DDAH1: variants seen among roughly 807,000 people sequenced by gnomAD.
DDAH1 encodes the protein dimethylarginine dimethylaminohydrolase 1, also known as N(G),N(G)-dimethylarginine dimethylaminohydrolase 1.
DDAH1 carries 19 observed loss-of-function variants against 28.8 expected under a neutral mutation model. That is an observed-to-expected ratio of 0.66 (90% CI 0.46 to 0.97). The LOEUF (loss-of-function observed/expected upper bound fraction) is 0.97. Among genes scored for constraint, DDAH1 ranks in the 50% least tolerant of loss-of-function variants. The probability of loss-of-function intolerance (pLI) is 0.00; values close to 1 mark genes in which losing one functional copy is unlikely to be tolerated. For missense variants in DDAH1, 326 were observed against 375.9 expected, an observed-to-expected ratio of 0.87 and a Z score of 1.10; for synonymous variants, 153 against 154.4, an observed-to-expected ratio of 0.99 and a Z score of 0.07.
At chr1:85,493,713 G>A (rs974216896) in intron 2 of DDAH1, 2 of 152,162 alleles carry the variant, frequency 1.3e-5, no homozygotes, top group African/African-American at 2.4e-5. Flanking sequence ...TTAAGCATGT[G>A]CCTGGAACGC....
intron 1 of DDAH1, among the ~76,000 whole-genome samples, chr1:85,576,161 A>T (rs1021863851): frequency 2.0e-5 from 3 of 152,186 alleles, no homozygotes; most frequent in Non-Finnish European, 4.4e-5. Context: ...TAAACAAATC[A>T]ATATATAGAA....
At chr1:85,377,047 A>G (rs1253755815) in intron 1 of DDAH1, among the ~76,000 whole-genome samples, 1 of 152,182 alleles carries the variant, frequency 6.6e-6, no homozygotes, top group East Asian at 1.9e-4. Context: ...AAATGAAAAG[A>G]AACTAGCACA....
intron 1 of DDAH1, among the ~76,000 whole-genome samples, chr1:85,367,920 CA>C (rs1176935851): frequency 6.6e-6 from 1 of 152,100 alleles, no homozygotes; most frequent in African/African-American, 2.4e-5. Context: ...TTTTATTAAC[CA>C]ATTTGAGTTT....
At chr1:85,332,652 G>A (rs1647846534) in intron 4 of DDAH1, among the ~76,000 whole-genome samples, 1 of 152,108 alleles carries the variant, frequency 6.6e-6, no homozygotes, top group South Asian at 2.1e-4. Flanking sequence ...GGGGCCTAGG[G>A]ATTGCCCCTC....
intron 1 of DDAH1, among the ~76,000 whole-genome samples, chr1:85,430,603 G>T (rs1653632914): frequency 6.6e-6 from 1 of 152,160 alleles, no homozygotes; most frequent in African/African-American, 2.4e-5. Flanking sequence ...TCTCCTTGAA[G>T]AGGTTCGTCA....
At chr1:85,451,369 G>A (rs781117086) in intron 1 of DDAH1, among the ~76,000 whole-genome samples, 6 of 152,110 alleles carry the variant, frequency 3.9e-5, no homozygotes, top group Non-Finnish European at 8.8e-5. Context: ...AAGAGGGACT[G>A]ATCACTGATG....
intron 1 of DDAH1, among the ~76,000 whole-genome samples, chr1:85,553,879 T>A (rs1658878306): frequency 6.6e-6 from 1 of 152,188 alleles, no homozygotes; most frequent in Non-Finnish European, 1.5e-5. Context: ...GAGTTGGAGC[T>A]AGTCTGCCAG....
chr1:85,515,938 G>A (rs1418381), intron 1 of DDAH1, among the ~76,000 whole-genome samples: 3 of 152,170 alleles, frequency 2.0e-5, no homozygotes, highest in Admixed American at 6.5e-5. Flanking sequence ...AGTTGATGTC[G>A]ACAGGATGGT....
intron 1 of DDAH1, among the ~76,000 whole-genome samples, chr1:85,393,513 A>G (rs969002013): frequency 2.6e-5 from 4 of 152,236 alleles, no homozygotes; most frequent in African/African-American, 9.6e-5. Context: ...TCTAACATTT[A>G]GCTGGCTATT....
intron 1 of DDAH1, among the ~76,000 whole-genome samples, chr1:85,383,750 C>T (rs966876107): frequency 7.2e-5 from 11 of 152,148 alleles, no homozygotes; most frequent in African/African-American, 1.2e-4. Context: ...CGGCAGCCAT[C>T]GACATTGAGA....
chr1:85,366,789 A>C (rs988713475), intron 1 of DDAH1, among the ~76,000 whole-genome samples: 2 of 152,210 alleles, frequency 1.3e-5, no homozygotes, highest in Non-Finnish European at 2.9e-5. Flanking sequence ...AGGCAAACAG[A>C]AGATTCCAAT....
chr1:85,527,843 T>C (rs1657927055), intron 1 of DDAH1, among the ~76,000 whole-genome samples: 2 of 152,222 alleles, frequency 1.3e-5, no homozygotes, highest in Admixed American at 6.5e-5. Flanking sequence ...TGAATTACAT[T>C]TTAAAGGTTT....
chr1:85,504,286 T>C (rs1273257943), intron 1 of DDAH1, among the ~76,000 whole-genome samples: 1 of 152,172 alleles, frequency 6.6e-6, no homozygotes, highest in East Asian at 1.9e-4. Flanking sequence ...GATGGCAGGG[T>C]CATTGGCCTC....
intron 1 of DDAH1, among the ~76,000 whole-genome samples, chr1:85,453,920 A>G (rs945726861): frequency 2.6e-5 from 4 of 152,198 alleles, no homozygotes; most frequent in African/African-American, 7.2e-5. Context: ...CACATTCTGT[A>G]TTTGAACACA....
intron 1 of DDAH1, among the ~76,000 whole-genome samples, chr1:85,383,599 A>G (rs1487830418): frequency 6.6e-6 from 1 of 152,248 alleles, no homozygotes; most frequent in Non-Finnish European, 1.5e-5. Context: ...TGTGAGTAAA[A>G]TGCTATCAAA....
At chr1:85,463,835 C>T (rs1201299202) in intron 1 of DDAH1, among the ~76,000 whole-genome samples, 2 of 152,236 alleles carry the variant, frequency 1.3e-5, no homozygotes, top group East Asian at 3.8e-4. Flanking sequence ...GGGCTCTTAA[C>T]TGGCAATGAG....
At chr1:85,492,151 A>G (rs1052482311) in intron 2 of DDAH1, among the ~76,000 whole-genome samples, 4 of 152,198 alleles carry the variant, frequency 2.6e-5, no homozygotes, top group African/African-American at 9.6e-5. Flanking sequence ...TCAGATTCAT[A>G]CTCAGGCTTG....
chr1:85,495,570 C>G (rs796805049), intron 2 of DDAH1: 2 of 152,304 alleles, frequency 1.3e-5, no homozygotes, highest in African/African-American at 4.8e-5. Flanking sequence ...CAGTACCAAG[C>G]CTTTGCCATG....
chr1:85,545,746 G>A (rs1336527519), intron 1 of DDAH1, among the ~76,000 whole-genome samples: 1 of 152,164 alleles, frequency 6.6e-6, no homozygotes, highest in East Asian at 1.9e-4. Context: ...GAGAAGAAGA[G>A]GCAGAAATGG....
Sources: gnomAD v4.1 joint callset for allele counts (sites outside exome capture counted in the v4.1 genomes callset) on GRCh38, gnomAD v4.1.1 for gene constraint, MANE v1.5 for transcripts, NCBI Gene and HGNC (gene_info 2026-07-23, HGNC 2026-07-21) for gene names.